Variants in CCDC178 observed in about 807,000 individuals in gnomAD.
CCDC178 encodes the protein coiled-coil domain containing 178, also known as coiled-coil domain-containing protein 178.
A neutral mutation model predicts 117.4 loss-of-function variants in CCDC178; 126 were observed. That is an observed-to-expected ratio of 1.07 (90% CI 0.93 to 1.24). The LOEUF is 1.24. Ranked by LOEUF, CCDC178 falls within the 50% of genes most tolerant of loss-of-function variation. CCDC178 has a pLI of 0.00. For synonymous variants in CCDC178, 283 were observed against 313.4 expected, an observed-to-expected ratio of 0.90 and a Z score of 1.02; for missense variants, 1,030 against 986.9, an observed-to-expected ratio of 1.04 and a Z score of -0.59.
chr18:33,102,735 C>G (rs900635751), intron 20 of CCDC178, among the ~76,000 whole-genome samples: 21 of 151,722 alleles, frequency 1.4e-4, no homozygotes, highest in African/African-American at 5.1e-4. Context: ...CTACAGATAA[C>G]CATTTCGGGA....
intron 2 of CCDC178, among the ~76,000 whole-genome samples, chr18:33,413,969 T>C (rs909014077): frequency 1.3e-5 from 2 of 152,144 alleles, no homozygotes; most frequent in Non-Finnish European, 2.9e-5. Flanking sequence ...AGGCCATTCT[T>C]GCCCATTTTG....
intron 22 of CCDC178, among the ~76,000 whole-genome samples, chr18:32,967,858 GTT>G (rs557982093): frequency 7.6e-6 from 1 of 132,122 alleles, no homozygotes; most frequent in African/African-American, 2.8e-5. Flanking sequence ...ATATACTTTT[GTT>G]TTTTTTTTTA....
intron 20 of CCDC178, among the ~76,000 whole-genome samples, chr18:33,120,373 T>A (rs969676421): frequency 3.3e-5 from 5 of 152,048 alleles, no homozygotes; most frequent in South Asian, 2.1e-4. Flanking sequence ...TGGCTTGCAA[T>A]TATACAAGGT....
At position 33,298,538 on chromosome 18, in the gene CCDC178, A is replaced by G. The variant is rs182549707; in HGVS notation, c.1023-5226T>C. On this transcript the variant is annotated intron_variant, in intron 11 of 22. Coordinates refer to ENST00000383096, the MANE Select transcript of CCDC178 (RefSeq NM_001105528.4). The stretch of plus-strand genomic sequence containing the variant: ...TAGCCAATATCATACTGAAGAGGGA[A>G]AAGCTGAAAGTTTTTTCTATAAGAT... Among the ~76,000 whole-genome samples, 118 of 152,338 alleles carry G rather than the reference A, an allele frequency of 7.7e-4. 2 individuals carry two copies. The South Asian group carries it at 0.021, about 28-fold the overall frequency.
At chr18:33,049,273 T>C (rs796818941) in intron 21 of CCDC178, among the ~76,000 whole-genome samples, 2 of 152,162 alleles carry the variant, frequency 1.3e-5, no homozygotes, top group African/African-American at 2.4e-5. Flanking sequence ...TATAATAACT[T>C]ATAAAGATGT....
chr18:33,060,103 C>CT, intron 21 of CCDC178, among the ~76,000 whole-genome samples: 1 of 152,162 alleles, frequency 6.6e-6, no homozygotes, highest in Non-Finnish European at 1.5e-5. Context: ...TAGGTATCTA[C>CT]TTTTTTGTGA....
intron 21 of CCDC178, among the ~76,000 whole-genome samples, chr18:32,985,347 A>C (rs1211893364): frequency 5.3e-5 from 8 of 151,996 alleles, no homozygotes; most frequent in African/African-American, 1.7e-4. Context: ...AAGTGTGGAA[A>C]CTAGTCTACA....
At chr18:33,278,700 AG>A (rs1343015069) in intron 12 of CCDC178, among the ~76,000 whole-genome samples, 9 of 152,270 alleles carry the variant, frequency 5.9e-5, no homozygotes, top group African/African-American at 1.7e-4. Context: ...TTTAATACAC[AG>A]AAGTTACCTC....
rs191667723 is a variant in CCDC178 at position 33,395,742 on chromosome 18, T to A, written c.118+1407A>T. ...TTAAGCATCATGGAATGCCCATGAA[T>A]AATTTTTCAAAAGCAATAAGGAGTA... is the stretch of plus-strand genomic sequence containing the variant. On this transcript the variant is annotated intron_variant, in intron 4 of 22. Coordinates refer to ENST00000383096, the MANE Select transcript of CCDC178 (RefSeq NM_001105528.4). Among the ~76,000 whole-genome samples, 7 of 152,216 alleles carry A rather than the reference T, an allele frequency of 4.6e-5. No homozygotes were observed. The East Asian group carries it at 1.2e-3, about 25-fold the overall frequency.
intron 19 of CCDC178, among the ~76,000 whole-genome samples, chr18:33,213,250 T>A (rs1406232402): frequency 6.6e-6 from 1 of 152,036 alleles, no homozygotes; most frequent in Non-Finnish European, 1.5e-5. Context: ...CATTAAGTAC[T>A]CATTTTTTTC....
At chr18:33,429,859 T>C (rs1219266470) in intron 2 of CCDC178, among the ~76,000 whole-genome samples, 2 of 152,176 alleles carry the variant, frequency 1.3e-5, no homozygotes, top group African/African-American at 2.4e-5. Flanking sequence ...AAACTTGAGA[T>C]AGCATTACTG....
At chr18:33,184,410 C>T (rs2058766155) in intron 20 of CCDC178, among the ~76,000 whole-genome samples, 1 of 151,884 alleles carries the variant, frequency 6.6e-6, no homozygotes, top group African/African-American at 2.4e-5. Flanking sequence ...CTCAGTGTTT[C>T]AGATATGAGG....
At chr18:33,288,420 C>G (rs1235613476) in intron 12 of CCDC178, among the ~76,000 whole-genome samples, 1 of 113,194 alleles carries the variant, frequency 8.8e-6, no homozygotes, top group Non-Finnish European at 1.8e-5. Flanking sequence ...CTTTTCTTCC[C>G]TCTCTCTCCT....
intron 9 of CCDC178, among the ~76,000 whole-genome samples, chr18:33,340,908 C>A (rs1175260274): frequency 2.0e-5 from 3 of 152,140 alleles, no homozygotes; most frequent in Non-Finnish European, 4.4e-5. Flanking sequence ...TTGGAGCCCC[C>A]AACAGAGTCC....
intron 6 of CCDC178, 107 bp downstream of exon 6, chr18:33,369,943 C>T: frequency 1.1e-6 from 1 of 914,966 alleles, no homozygotes; most frequent in Non-Finnish European, 1.6e-6. Context: ...AAAAGCATTC[C>T]AATTATCATT....
At chr18:33,327,661 C>CT (rs2145028201) in intron 10 of CCDC178, among the ~76,000 whole-genome samples, 2 of 152,130 alleles carry the variant, frequency 1.3e-5, no homozygotes, top group East Asian at 3.9e-4. Context: ...TGACTGGTAT[C>CT]TTATTGTGGT....
chr18:33,333,172 A>G lies in CCDC178; in HGVS notation c.879+2T>C. 1 of 1,551,660 alleles carries G rather than the reference A, an allele frequency of 6.4e-7. No homozygotes were observed. Among genetic ancestry groups the G allele is most frequent in the East Asian group, 2.3e-5 (1 of 44,304 alleles). Reference sequence around the variant, plus strand: ...GAAATGCTCATGCATTCGTTTATTTACCTCCATTTTTTTTTTATAATGGTT... The same window carrying G: ...GAAATGCTCATGCATTCGTTTATTTGCCTCCATTTTTTTTTTATAATGGTT... On this transcript the variant is annotated splice_donor_variant, in intron 10 of 22. Transcript: ENST00000383096. LOFTEE classifies it high-confidence loss of function.
In CCDC178 at chr18:32,973,222, CATA is replaced by C. The variant is rs538148920; in HGVS notation, c.2523+1322_2523+1324del. Among the ~76,000 whole-genome samples the C allele has an allele frequency of 3.9e-3, 595 of 152,112 alleles. 1 individual carries two copies. The highest frequency in any genetic ancestry group is 0.013 in the African/African-American group (559 of 41,516). On this transcript the variant is annotated intron_variant, in intron 22 of 22. Transcript: ENST00000383096. Reference sequence around the variant, plus strand: ...ATGACATTTTTAATATTTGAAAAGACATAATAATTCACAGTGAGAATTTATCAT... The same window carrying C: ...ATGACATTTTTAATATTTGAAAAGACATAATTCACAGTGAGAATTTATCAT...
chr18:33,216,308 T>G (rs973181127), intron 18 of CCDC178, among the ~76,000 whole-genome samples: 1 of 152,046 alleles, frequency 6.6e-6, no homozygotes, highest in Non-Finnish European at 1.5e-5. Context: ...GACAAGGATA[T>G]ATATATTGTT....
Sources: gnomAD v4.1 joint callset for allele counts (sites outside exome capture counted in the v4.1 genomes callset) on GRCh38, gnomAD v4.1.1 for gene constraint, MANE v1.5 for transcripts, NCBI Gene and HGNC (gene_info 2026-07-23, HGNC 2026-07-21) for gene names.